BRCA1: variants seen among roughly 807,000 people sequenced by gnomAD.
BRCA1 encodes BRCA1 DNA repair associated.
Under a neutral mutation model 173.7 loss-of-function variants are expected in BRCA1, and 140 were observed. The observed-to-expected ratio is 0.81, with a 90% CI of 0.70 to 0.93. BRCA1 has a LOEUF of 0.93. BRCA1 is among the 40% of genes least tolerant of loss of function. The pLI, the probability that BRCA1 is intolerant of heterozygous loss-of-function variation, is 0.00. For synonymous variants in BRCA1, 662 were observed against 756.0 expected (o/e 0.88, Z 2.04); for missense variants, 1,983 against 2,172.5 (o/e 0.91, Z 1.73).
chr17:43,100,643 TAACATATATATAAC>T (rs2054388434), intron 6 of BRCA1, among the ~76,000 whole-genome samples: 6 of 61,004 alleles, frequency 9.8e-5, no homozygotes, highest in Admixed American at 2.7e-4. Context: ...TATATATATA[TAACATATATATAAC>T]ATATATATAT....
In BRCA1 at chr17:43,091,482, C is replaced by T. The variant is rs1433564897; in HGVS notation, c.4049G>A (p.Gly1350Asp). 1 of 1,613,568 alleles carries T rather than the reference C, an allele frequency of 6.2e-7. No individual in the cohort carries two copies. Among genetic ancestry groups the T allele is most frequent in the Non-Finnish European group, 8.5e-7 (1 of 1,179,672 alleles). ...CTCTTCTTGATTATTTTCTTCCAAG[C>T]CCGTTCCTCTTTCTTCATCATCTGA... ...LVSDDEERGT[G>D]LEENNQEEQS... Residue 1350 changes from glycine to aspartate, a missense_variant, in exon 10 of 23, where the codon GGC (glycine) becomes GAC (aspartate). Transcript: ENST00000357654.
chr17:43,073,489 CCAAA>C (rs2052546000), intron 14 of BRCA1, among the ~76,000 whole-genome samples: 1 of 152,042 alleles, frequency 6.6e-6, no homozygotes, highest in Non-Finnish European at 1.5e-5. Flanking sequence ...ACATTTGATG[CCAAA>C]CAGTGTCTTT....
intron 3 of BRCA1, among the ~76,000 whole-genome samples, chr17:43,114,301 G>T (rs2055167589): frequency 6.6e-6 from 1 of 151,860 alleles, no homozygotes; most frequent in Admixed American, 6.6e-5. Flanking sequence ...AAAACATACA[G>T]TTCATTCCAG....
rs552439674 is a variant in BRCA1, at chr17:43,100,501, C to T, written c.442-621G>A. ...GGTCTACAAGCGTGTGCAACTATGCCTGGCTAATTTGTGTGTGTGTGTGTA... is the reference window on the plus strand; with the variant it reads ...GGTCTACAAGCGTGTGCAACTATGCTTGGCTAATTTGTGTGTGTGTGTGTA... On this transcript the variant is annotated intron_variant, in intron 6 of 22. Coordinates refer to ENST00000357654, the MANE Select transcript of BRCA1 (RefSeq NM_007294.4). 2.4e-5 allele frequency among the ~76,000 whole-genome samples: 3 copies of T among 126,696 alleles called. No individual in the cohort carries two copies. In the South Asian group the frequency reaches 7.4e-4, roughly 31 times the overall value. The allele number at this position is 126,696 out of a possible 152,430, so 83.1% of individuals were successfully genotyped here.
At chr17:43,070,837 C>G in intron 15 of BRCA1, 91 bp downstream of exon 15, 1 of 1,421,782 alleles carries the variant, frequency 7.0e-7, no homozygotes, top group Non-Finnish European at 9.8e-7. Flanking sequence ...ATTTCTTCCT[C>G]TAGGTTATTA....
chr17:43,074,349 A>T lies in BRCA1; in HGVS notation c.4657T>A (p.Leu1553Met), dbSNP rs80357431. The T allele has an allele frequency of 1.2e-6, 2 of 1,614,044 alleles. No homozygotes were observed. The highest frequency in any genetic ancestry group is 1.7e-6 in the Non-Finnish European group (2 of 1,179,928). ...ATATTACCTAGATCTTGCCTTGGCAAGTAAGATGTTTCCGTCAAATCGTGT... is the reference window on the plus strand; with the variant it reads ...ATATTACCTAGATCTTGCCTTGGCATGTAAGATGTTTCCGTCAAATCGTGT... ...GPHDLTETSY[L>M]PRQDLEGTPY... is the part of the protein sequence containing the mutation. The change falls in exon 14 of 23, where the codon TTG (leucine) becomes ATG (methionine). Residue 1553 changes from leucine to methionine, a missense_variant. Leu to Met is a conservative substitution (Grantham distance 15). Coordinates refer to ENST00000357654, the MANE Select transcript of BRCA1 (RefSeq NM_007294.4).
intron 6 of BRCA1, among the ~76,000 whole-genome samples, chr17:43,100,559 T>TATATATATATATAACATATATATATA (rs1360170822): frequency 0.019 from 239 of 12,578 alleles, 25 homozygotes; most frequent in African/African-American, 0.056. Context: ...TGTGTGTGTG[T>TATATATATATATAACATATATATATA]ATATATATAT....
chr17:43,164,945 T>TC (rs2056257969), intron 1 of BRCA1: 1 of 152,240 alleles, frequency 6.6e-6, no homozygotes, highest in Non-Finnish European at 1.5e-5. Flanking sequence ...GACTTTATAG[T>TC]CCTTAGTGCC....
At chr17:43,111,746 C>T (rs1567815521) in intron 3 of BRCA1, among the ~76,000 whole-genome samples, 2 of 151,930 alleles carry the variant, frequency 1.3e-5, no homozygotes, top group Admixed American at 1.3e-4. Context: ...GGTGTGAACC[C>T]GGGAGGTGGA....
chr17:43,063,244 A>C, intron 18 of BRCA1, 89 bp downstream of exon 18: 1 of 1,073,632 alleles, frequency 9.3e-7, no homozygotes, highest in Non-Finnish European at 1.4e-6. Flanking sequence ...TGTTAAGGAA[A>C]GTGGTGCATT....
At chr17:43,048,845 T>C (rs2051057000) in intron 21 of BRCA1, among the ~76,000 whole-genome samples, 1 of 152,078 alleles carries the variant, frequency 6.6e-6, no homozygotes, top group African/African-American at 2.4e-5. Flanking sequence ...TGATGATTTG[T>C]TGAAACACAG....
At chr17:43,138,264 A>T (rs1204281965) in intron 1 of BRCA1, 11 of 207,678 alleles carry the variant, frequency 5.3e-5, no homozygotes, top group East Asian at 5.2e-4. Context: ...TTTCTCTGGC[A>T]GCCTTTTTCA....
intron 12 of BRCA1, among the ~76,000 whole-genome samples, chr17:43,077,108 T>C (rs982394493): frequency 6.6e-6 from 1 of 151,894 alleles, no homozygotes; most frequent in South Asian, 2.1e-4. Context: ...AAACAAGACA[T>C]GAGTGTCAGA....
chr17:43,151,498 CAAA>C (rs2056161556), intron 1 of BRCA1, among the ~76,000 whole-genome samples: 1 of 151,996 alleles, frequency 6.6e-6, no homozygotes, highest in South Asian at 2.1e-4. Flanking sequence ...AAAACAAAAA[CAAA>C]AACAAAAAAA....
intron 3 of BRCA1, among the ~76,000 whole-genome samples, chr17:43,111,170 C>T (rs1298647123): frequency 1.3e-5 from 2 of 151,426 alleles, no homozygotes; most frequent in Non-Finnish European, 2.9e-5. Flanking sequence ...GCATGACTGC[C>T]TTAAGAAATA....
rs779721268 is a variant in BRCA1 at position 43,057,038 on chromosome 17, G to A, written c.5277+14C>T. 1 of 1,613,564 alleles carries A rather than the reference G, an allele frequency of 6.2e-7. No homozygotes were observed. Among genetic ancestry groups the A allele is most frequent in the South Asian group, 1.1e-5 (1 of 91,080 alleles). ...GGGGTGAGATTTTTGTCAACTTGAG[G>A]GAGGGAGCTTTACCTTTCTGTCCTG... On this transcript the variant is annotated intron_variant, in intron 19 of 22. Transcript: ENST00000357654.
At chr17:43,144,171 C>T (rs939270616) in intron 1 of BRCA1, 8 of 225,880 alleles carry the variant, frequency 3.5e-5, no homozygotes, top group East Asian at 1.6e-4. Context: ...TGCAGTGAGC[C>T]GAGATTGCAC....
intron 1 of BRCA1, among the ~76,000 whole-genome samples, chr17:43,147,441 G>A (rs911866675): frequency 2.0e-5 from 3 of 151,968 alleles, no homozygotes; most frequent in Non-Finnish European, 4.4e-5. Flanking sequence ...TGCCCGCCTC[G>A]GCCTCCCAAA....
At chr17:43,129,265 G>T (rs1304089864), upstream of BRCA1, among the ~76,000 whole-genome samples, 5 of 152,194 alleles carry the variant, frequency 3.3e-5, no homozygotes, top group Admixed American at 6.6e-5. Flanking sequence ...CTTGCTGAAA[G>T]AATTTTTTTA....
Sources: gnomAD v4.1 joint callset for allele counts (sites outside exome capture counted in the v4.1 genomes callset) on GRCh38, gnomAD v4.1.1 for gene constraint, MANE v1.5 for transcripts, NCBI Gene and HGNC (gene_info 2026-07-23, HGNC 2026-07-21) for gene names.